The following CHRM5 variants were observed in gnomAD, a reference collection of about 807,000 sequenced individuals.
CHRM5 encodes the protein muscarinic acetylcholine receptor M5.
Under a neutral mutation model 39.0 loss-of-function variants are expected in CHRM5, and 18 were observed. The ratio of observed to expected loss-of-function variants is 0.46; its 90% CI spans 0.32 to 0.68. CHRM5 has a LOEUF of 0.68. CHRM5 is among the 30% of genes least tolerant of loss of function. The pLI, the probability that CHRM5 is intolerant of heterozygous loss-of-function variation, is 0.04. For synonymous variants in CHRM5, 241 were observed against 246.3 expected, an observed-to-expected ratio of 0.98 and a Z score of 0.20; for missense variants, 515 against 651.1, an observed-to-expected ratio of 0.79 and a Z score of 2.28.
intron 1 of CHRM5, among the ~76,000 whole-genome samples, chr15:34,017,249 G>T (rs1055896978): frequency 5.3e-5 from 8 of 152,044 alleles, no homozygotes; most frequent in African/African-American, 1.9e-4. Context: ...CTAGAACTGA[G>T]CTCTCATACA....
intron 1 of CHRM5, among the ~76,000 whole-genome samples, chr15:34,002,116 A>G (rs1209224947): frequency 6.6e-6 from 1 of 152,142 alleles, no homozygotes; most frequent in Admixed American, 6.5e-5. Context: ...TAATATCACA[A>G]CCAGAAGACT....
At chr15:33,993,192 C>T (rs962013494) in intron 1 of CHRM5, among the ~76,000 whole-genome samples, 1 of 152,162 alleles carries the variant, frequency 6.6e-6, no homozygotes, top group South Asian at 2.1e-4. Context: ...TCTCATAGAT[C>T]TTACTTTTTA....
chr15:34,059,179 G>T (rs1240314064), intron 2 of CHRM5, among the ~76,000 whole-genome samples: 1 of 152,138 alleles, frequency 6.6e-6, no homozygotes, highest in East Asian at 1.9e-4. Context: ...TTACAGGCGT[G>T]AGCCACCACA....
rs1312086780 is a variant in CHRM5, at chr15:34,046,570, C to T, written c.-377C>T. 1.3e-5 allele frequency: 2 copies of T among 152,186 alleles called. No homozygotes were observed. Among genetic ancestry groups the T allele is most frequent in the Admixed American group, 1.3e-4 (2 of 15,280 alleles). The allele number at this position is 152,186 out of a possible 1,614,324, so 9.4% of individuals were successfully genotyped here. ...TAGGAAATCATTCTCAGCCTTGCAA[C>T]TTAAAATATGGTACATGGATCAGTA... On this transcript the variant is annotated 5_prime_UTR_variant, in exon 2 of 3. Transcript: ENST00000383263.
At chr15:34,008,934 ACACT>A (rs1286470440) in intron 1 of CHRM5, among the ~76,000 whole-genome samples, 4 of 117,886 alleles carry the variant, frequency 3.4e-5, no homozygotes, top group South Asian at 2.9e-4. Context: ...ATTAAAACAC[ACACT>A]CACACGTGCG....
intron 1 of CHRM5, among the ~76,000 whole-genome samples, chr15:33,997,080 G>A (rs914136952): frequency 2.6e-5 from 4 of 152,012 alleles, no homozygotes; most frequent in African/African-American, 9.7e-5. Context: ...CATTCTTCAG[G>A]AAAAAAAGCA....
At chr15:33,990,030 C>T (rs1896649872) in intron 1 of CHRM5, among the ~76,000 whole-genome samples, 1 of 151,718 alleles carries the variant, frequency 6.6e-6, no homozygotes, top group Non-Finnish European at 1.5e-5. Flanking sequence ...TGGTGAAACC[C>T]CGTCTCTACT....
intron 1 of CHRM5, among the ~76,000 whole-genome samples, chr15:34,001,463 C>G (rs187469348): frequency 6.6e-6 from 1 of 152,068 alleles, no homozygotes; most frequent in Non-Finnish European, 1.5e-5. Context: ...AATTTTCTCC[C>G]CCTAGATCTT....
At chr15:34,042,336 G>A (rs1046191265) in intron 1 of CHRM5, among the ~76,000 whole-genome samples, 2 of 151,664 alleles carry the variant, frequency 1.3e-5, no homozygotes, top group African/African-American at 4.9e-5. Flanking sequence ...GAATTATATA[G>A]GTAGCTCCTT....
intron 1 of CHRM5, among the ~76,000 whole-genome samples, chr15:34,028,847 CACCACATTGT>C (rs1350377199): frequency 1.3e-5 from 2 of 151,782 alleles, no homozygotes; most frequent in Non-Finnish European, 2.9e-5. Context: ...CATCATCGGC[CACCACATTGT>C]ACCTTCACCT....
At position 34,029,308 on chromosome 15, in the gene CHRM5, A is replaced by T. The variant is rs970419987; in HGVS notation, c.-407-17232A>T. On this transcript the variant is annotated intron_variant, in intron 1 of 2. Transcript: ENST00000383263. ...TTTTTCTTTCCAAGGTATGTAAAAT[A>T]CGTGCTCATAAAATAACACCTGGCC... Among the ~76,000 whole-genome samples, 4 of 152,334 alleles carry T rather than the reference A, an allele frequency of 2.6e-5. No individual in the cohort carries two copies. The South Asian group carries it at 8.3e-4, about 32-fold the overall frequency.
intron 1 of CHRM5, among the ~76,000 whole-genome samples, chr15:34,029,628 A>G (rs1898675771): frequency 6.6e-6 from 1 of 152,200 alleles, no homozygotes; most frequent in Non-Finnish European, 1.5e-5. Context: ...GCAGCAAAAC[A>G]AAACACAACA....
At chr15:34,032,011 A>ACG (rs1028158536) in intron 1 of CHRM5, among the ~76,000 whole-genome samples, 2 of 109,686 alleles carry the variant, frequency 1.8e-5, no homozygotes, top group African/African-American at 5.6e-5. Context: ...ACACACACAT[A>ACG]CGCGCGCACA....
chr15:34,000,673 G>A (rs1044902016), intron 1 of CHRM5, among the ~76,000 whole-genome samples: 6 of 152,182 alleles, frequency 3.9e-5, no homozygotes, highest in Non-Finnish European at 8.8e-5. Context: ...AGAGAATGAA[G>A]TTGACCTCTC....
intron 2 of CHRM5, among the ~76,000 whole-genome samples, chr15:34,052,099 T>C (rs1021821476): frequency 6.6e-6 from 1 of 151,364 alleles, no homozygotes. Flanking sequence ...AAATCCTCAA[T>C]GAAATACTGG....
rs868862511 is a variant in CHRM5 at position 34,014,368 on chromosome 15, A to T, written c.-407-32172A>T. On this transcript the variant is annotated intron_variant, in intron 1 of 2. Transcript: ENST00000383263. ...AACAAGAGCGAAACTCCATCTCATTAAAAAAAAAAAAAAAAACAAAAACAA... is the reference window on the plus strand; with the variant it reads ...AACAAGAGCGAAACTCCATCTCATTTAAAAAAAAAAAAAAAACAAAAACAA... Among the ~76,000 whole-genome samples, 116 of 16,280 alleles carry T rather than the reference A, an allele frequency of 7.1e-3. 5 individuals carry two copies. The highest frequency in any genetic ancestry group is 0.014 in the African/African-American group (101 of 7,384). 10.7% of individuals were successfully genotyped at this position (16,280 alleles called of 152,430 possible).
intron 1 of CHRM5, among the ~76,000 whole-genome samples, chr15:34,012,781 G>A (rs1897689986): frequency 1.3e-5 from 2 of 152,268 alleles, no homozygotes; most frequent in Admixed American, 6.5e-5. Flanking sequence ...GAACTAGAAG[G>A]AACCTAGATA....
At chr15:34,003,828 C>T (rs1376542862) in intron 1 of CHRM5, among the ~76,000 whole-genome samples, 1 of 152,120 alleles carries the variant, frequency 6.6e-6, no homozygotes, top group African/African-American at 2.4e-5. Flanking sequence ...TGTTTTAGTA[C>T]TTCTTATTAA....
chr15:34,046,068 G>A (rs995982932), intron 1 of CHRM5, among the ~76,000 whole-genome samples: 33 of 151,892 alleles, frequency 2.2e-4, no homozygotes, highest in Non-Finnish European at 3.2e-4. Flanking sequence ...GAGCTCAAAA[G>A]GATCCACACT....
Sources: gnomAD v4.1 joint callset for allele counts (sites outside exome capture counted in the v4.1 genomes callset) on GRCh38, gnomAD v4.1.1 for gene constraint, MANE v1.5 for transcripts, NCBI Gene and HGNC (gene_info 2026-07-23, HGNC 2026-07-21) for gene names.